Variants in TIPIN observed in about 807,000 individuals in gnomAD.
TIPIN encodes TIMELESS interacting protein.
A neutral mutation model predicts 35.6 loss-of-function variants in TIPIN; 29 were observed. The observed-to-expected ratio is 0.82, with a 90% CI of 0.61 to 1.11. The LOEUF (loss-of-function observed/expected upper bound fraction) is 1.11, where lower values mean the gene tolerates loss of function less well. TIPIN is among the 50% of genes most tolerant of loss of function. The pLI, the probability that TIPIN is intolerant of heterozygous loss-of-function variation, is 0.00. For missense variants in TIPIN, 296 were observed against 345.4 expected, an observed-to-expected ratio of 0.86 and a Z score of 1.13; for synonymous variants, 102 against 121.5, an observed-to-expected ratio of 0.84 and a Z score of 1.06.
At chr15:66,364,495 A>G (rs2093245612) in intron 1 of TIPIN, among the ~76,000 whole-genome samples, 1 of 152,146 alleles carries the variant, frequency 6.6e-6, no homozygotes, top group Non-Finnish European at 1.5e-5. Context: ...AGTAAAGACA[A>G]GCAACCATAA....
At chr15:66,357,336 T>C (rs1224119899), upstream of TIPIN, among the ~76,000 whole-genome samples, 3 of 152,212 alleles carry the variant, frequency 2.0e-5, no homozygotes, top group African/African-American at 4.8e-5. Flanking sequence ...TCAGAGTTCA[T>C]AGCAGAATGC....
Position 66,367,002 on chromosome 15 carries a change from G to A in TIPIN, c.-8-14047C>T, listed in dbSNP as rs575267034. The A allele has an allele frequency of 8.9e-5, 37 of 414,996 alleles. No individual in the cohort carries two copies. The Admixed American group carries it at 9.7e-4, about 11-fold the overall frequency. 25.7% of individuals were successfully genotyped at this position (414,996 alleles called of 1,614,324 possible). The stretch of plus-strand genomic sequence containing the variant: ...TTGAGACCAGCCTGGTCAACATGAC[G>A]AAACACCGTCTCTACTAAAAATACA... On this transcript the variant is annotated intron_variant, in intron 1 of 7. Coordinates refer to the TIPIN transcript ENST00000562124.
chr15:66,379,197 A>G (rs964137578), intron 1 of TIPIN: 7 of 1,223,782 alleles, frequency 5.7e-6, no homozygotes, highest in South Asian at 1.6e-5. Flanking sequence ...CCTTGATTGC[A>G]TCTTTGATGC....
Position 66,375,499 on chromosome 15 carries a change from T to TTATATATA in TIPIN, c.-9+11100_-9+11107dup, listed in dbSNP as rs71139487. On this transcript the variant is annotated intron_variant, in intron 1 of 7. Coordinates refer to the TIPIN transcript ENST00000562124. ...CTAATGTTGTTTTTAATTGGAAAAG[T>TTATATATA]TATATATATATATATATATATATAT... 5.9e-3 allele frequency among the ~76,000 whole-genome samples: 781 copies of TTATATATA among 132,808 alleles called. 2 individuals are homozygous for TTATATATA. The highest frequency in any genetic ancestry group is 0.02 in the Middle Eastern group (5 of 256). 87.1% of individuals were successfully genotyped at this position (132,808 alleles called of 152,430 possible). A position where few individuals can be genotyped will look rare whatever the true frequency, so the allele number is the denominator to read the frequency against.
rs2093085076 is a variant in TIPIN at position 66,341,332 on chromosome 15, T to C, written c.500A>G (p.His167Arg). 2 of 1,613,388 alleles carry C rather than the reference T, an allele frequency of 1.2e-6. No individual in the cohort carries two copies. Among genetic ancestry groups the C allele is most frequent in the African/African-American group, 1.3e-5 (1 of 74,942 alleles). The change falls in exon 7 of 8, where the codon CAT becomes CGT. Residue 167 changes from histidine to arginine, a missense_variant. Physicochemically the swap from His to Arg is conservative, Grantham distance 29. Coordinates refer to ENST00000261881, the MANE Select transcript of TIPIN (RefSeq NM_017858.3). ...NNDEVAENNE[H>R]DVTSTELDPF... is the part of the protein sequence containing the mutation. ...ATCTAATTCAGTAGAAGTGACATCATGTTCATTATTCTCCGCAACTTCATC... is the reference window on the plus strand; with the variant it reads ...ATCTAATTCAGTAGAAGTGACATCACGTTCATTATTCTCCGCAACTTCATC...
intron 3 of TIPIN, 140 bp downstream of exon 3, chr15:66,351,989 T>C (rs1042789399): frequency 9.0e-6 from 6 of 667,344 alleles, no homozygotes; most frequent in African/African-American, 1.9e-5. Flanking sequence ...TAAGAAAAAA[T>C]ATGTTCTGCT....
At chr15:66,366,779 A>AAAG (rs2093256603) in intron 1 of TIPIN, 8 of 944,656 alleles carry the variant, frequency 8.5e-6, no homozygotes, top group Non-Finnish European at 1.0e-5. Context: ...AAAAAAAAAA[A>AAAG]AAAGAAAGAA....
chr15:66,364,527 T>C (rs997002150), intron 1 of TIPIN, among the ~76,000 whole-genome samples: 5 of 151,920 alleles, frequency 3.3e-5, no homozygotes, highest in African/African-American at 1.2e-4. Flanking sequence ...CCTCTAAAGT[T>C]CCACTAAAAA....
upstream of TIPIN, among the ~76,000 whole-genome samples, chr15:66,359,637 C>G (rs1207874823): frequency 6.6e-6 from 1 of 152,126 alleles, no homozygotes; most frequent in African/African-American, 2.4e-5. Context: ...GCGTGAGTCA[C>G]CTCACCAGGC....
intron 1 of TIPIN, among the ~76,000 whole-genome samples, chr15:66,365,735 C>T (rs968427083): frequency 1.3e-5 from 2 of 152,054 alleles, no homozygotes; most frequent in African/African-American, 2.4e-5. Context: ...TTAGTAAAGA[C>T]GGGGTTTCAC....
chr15:66,359,349 G>GT (rs998794316), upstream of TIPIN, among the ~76,000 whole-genome samples: 32 of 151,582 alleles, frequency 2.1e-4, no homozygotes, highest in African/African-American at 5.1e-4. Context: ...CATAAATTTA[G>GT]TTTTTTTTGT....
At chr15:66,350,055 G>A (rs906368973) in intron 4 of TIPIN, among the ~76,000 whole-genome samples, 4 of 151,816 alleles carry the variant, frequency 2.6e-5, no homozygotes, top group East Asian at 2.0e-4. Flanking sequence ...TCAGCCTCCC[G>A]GGTTTAAGCA....
At position 66,349,337 on chromosome 15, in the gene TIPIN, A is replaced by G; in HGVS notation, c.389T>C (p.Leu130Pro). 1.9e-6 allele frequency: 3 copies of G among 1,613,922 alleles called. No homozygotes were observed. Among genetic ancestry groups the G allele is most frequent in the Non-Finnish European group, 2.5e-6 (3 of 1,180,022 alleles). Residue 130 changes from leucine (L) to proline (P), a missense_variant, in exon 5 of 8, where the codon CTG (leucine) becomes CCG (proline). By Grantham distance (98) the Leu-to-Pro change is moderately conservative (BLOSUM62 -3). Coordinates refer to ENST00000261881, the MANE Select transcript of TIPIN (RefSeq NM_017858.3). Reference protein sequence around the residue: ...FEDFIDRVEYLGSKKEVQTCL... With the variant: ...FEDFIDRVEYPGSKKEVQTCL... ...TACCTGAACTTCCTTTTTACTTCCC[A>G]GGTATTCAACTCTGTCAATAAAATC...
chr15:66,340,744 G>A (rs1056641075), intron 7 of TIPIN, among the ~76,000 whole-genome samples: 2 of 151,610 alleles, frequency 1.3e-5, no homozygotes, highest in Admixed American at 1.3e-4. Context: ...TTACTGGTGT[G>A]CACCACCACA....
At chr15:66,346,683 T>A (rs938580131) in intron 6 of TIPIN, among the ~76,000 whole-genome samples, 2 of 152,224 alleles carry the variant, frequency 1.3e-5, no homozygotes, top group African/African-American at 4.8e-5. Context: ...CAGTAGTATA[T>A]GCTGTGGAAT....
upstream of TIPIN, chr15:66,356,731 C>T (rs577157364): frequency 3.0e-6 from 3 of 985,296 alleles, no homozygotes; most frequent in East Asian, 1.1e-4. Flanking sequence ...GCGAGAAGGG[C>T]CCGCAGCGTT....
intron 6 of TIPIN, among the ~76,000 whole-genome samples, chr15:66,345,988 C>A (rs951062758): frequency 6.6e-6 from 1 of 151,482 alleles, no homozygotes; most frequent in East Asian, 1.9e-4. Flanking sequence ...CTCTTTTTGC[C>A]CAGGCTGGAG....
At position 66,384,780 on chromosome 15, in the gene TIPIN, T is replaced by C. The variant is rs111445379; in HGVS notation, c.-9+1827A>G. Reference sequence around the variant, plus strand: ...ATACAAAATTAGCCAGGCATGGTGGTGCATGCCTGTAATCCCAGCTACTTG... The same window carrying C: ...ATACAAAATTAGCCAGGCATGGTGGCGCATGCCTGTAATCCCAGCTACTTG... On this transcript the variant is annotated intron_variant, in intron 1 of 7. Transcript: ENST00000562124. Among the ~76,000 whole-genome samples the C allele has an allele frequency of 6.7e-3, 1,017 of 151,844 alleles. 16 individuals are homozygous for C. Among genetic ancestry groups the C allele is most frequent in the African/African-American group, 0.023 (973 of 41,476 alleles).
At chr15:66,346,090 G>A (rs1364004058) in intron 6 of TIPIN, among the ~76,000 whole-genome samples, 3 of 151,928 alleles carry the variant, frequency 2.0e-5, no homozygotes, top group Non-Finnish European at 4.4e-5. Context: ...AGGATTACAG[G>A]CATGTGCCAC....
Sources: gnomAD v4.1 joint callset for allele counts (sites outside exome capture counted in the v4.1 genomes callset) on GRCh38, gnomAD v4.1.1 for gene constraint, MANE v1.5 for transcripts, NCBI Gene and HGNC (gene_info 2026-07-23, HGNC 2026-07-21) for gene names.